Variants in LPAR3 observed in about 807,000 individuals in gnomAD.
LPAR3 encodes the protein lysophosphatidic acid receptor 3, also known as LPA receptor 3.
A neutral mutation model predicts 17.8 loss-of-function variants in LPAR3; 7 were observed. The ratio of observed to expected loss-of-function variants is 0.39; its 90% CI spans 0.22 to 0.74. The LOEUF is 0.74. Ranked by LOEUF, LPAR3 falls within the 30% of genes least tolerant of loss-of-function variation. LPAR3 has a pLI of 0.40. For synonymous variants in LPAR3, 179 were observed against 179.9 expected (o/e 0.99, Z 0.04); for missense variants, 391 against 453.4 (o/e 0.86, Z 1.25).
At chr1:84,888,733 G>A (rs185035081) in intron 1 of LPAR3, among the ~76,000 whole-genome samples, 1 of 152,278 alleles carries the variant, frequency 6.6e-6, no homozygotes, top group East Asian at 1.9e-4. Context: ...TTATGGAGGG[G>A]CTAATGTGCC....
intron 2 of LPAR3, among the ~76,000 whole-genome samples, chr1:84,842,008 A>G (rs531679818): frequency 5.3e-5 from 8 of 152,282 alleles, no homozygotes; most frequent in Non-Finnish European, 8.8e-5. Flanking sequence ...GAAAAAAAAA[A>G]GTTTGTAGGG....
intron 2 of LPAR3, among the ~76,000 whole-genome samples, chr1:84,828,918 T>C (rs183769442): frequency 6.6e-6 from 1 of 152,300 alleles, no homozygotes; most frequent in East Asian, 1.9e-4. Flanking sequence ...AAGTATTTAT[T>C]AAGCCCCCAC....
At chr1:84,871,646 C>T (rs1301831586) in intron 1 of LPAR3, among the ~76,000 whole-genome samples, 1 of 152,176 alleles carries the variant, frequency 6.6e-6, no homozygotes, top group Non-Finnish European at 1.5e-5. Flanking sequence ...GCAACCAATC[C>T]TGGGTCAGCA....
rs1430003017 is a variant in LPAR3, at chr1:84,865,484, C to T, written c.637G>A (p.Val213Ile). 13 of 1,614,008 alleles carry T rather than the reference C, an allele frequency of 8.1e-6. No homozygotes were observed. The highest frequency in any genetic ancestry group is 4.5e-5 in the East Asian group (2 of 44,872). Residue 213 changes from valine (V) to isoleucine (I), a missense_variant, in exon 2 of 3, where the codon GTC (valine) becomes ATC (isoleucine). By Grantham distance (29) the Val-to-Ile change is conservative. Transcript: ENST00000370611. ...VVVYLRIYVY[V>I]KRKTNVLSPH... The stretch of plus-strand genomic sequence containing the variant: ...GACAAGACGTTGGTTTTCCTCTTGA[C>T]GTACACGTAGATCCGCAGGTACACC...
Position 84,812,177 on chromosome 1 carries a change from T to C in LPAR3, c.*1669A>G, listed in dbSNP as rs1658826248. On this transcript the variant is annotated 3_prime_UTR_variant, in exon 3 of 3. Transcript: ENST00000370611. ...CTGGGGTCAAGCTCATATTTCATTC[T>C]ATATGGAAGGGATTCAGCCTGCTCT... The C allele has an allele frequency of 6.6e-6, 1 of 152,200 alleles. No homozygotes were observed. The highest frequency in any genetic ancestry group is 2.1e-4 in the South Asian group (1 of 4,820). 9.4% of individuals were successfully genotyped at this position (152,200 alleles called of 1,614,324 possible).
Position 84,814,173 on chromosome 1 carries a change from T to TG in LPAR3, c.737-3dup, listed in dbSNP as rs772013550. Reference sequence around the variant, plus strand: ...GGGTCCAGCATACCACAAACGCCCCTGCAAGGAGAGAAGAGGAGGCAACAG... The same window carrying TG: ...GGGTCCAGCATACCACAAACGCCCCTGGCAAGGAGAGAAGAGGAGGCAACAG... On this transcript the variant is annotated splice_region_variant and splice_polypyrimidine_tract_variant and intron_variant, in intron 2 of 2. Coordinates refer to ENST00000370611, the MANE Select transcript of LPAR3 (RefSeq NM_012152.3). 6.2e-7 allele frequency: 1 copy of TG among 1,612,620 alleles called. No individual in the cohort carries two copies. The highest frequency in any genetic ancestry group is 1.1e-5 in the South Asian group (1 of 91,024).
intron 1 of LPAR3, 33 bp from the exon 2 acceptor site, chr1:84,866,171 A>G (rs371940938): frequency 4.1e-5 from 61 of 1,480,500 alleles, no homozygotes; most frequent in Non-Finnish European, 5.2e-5. Context: ...AACAAATATC[A>G]TTTGTAAAAT....
intron 2 of LPAR3, among the ~76,000 whole-genome samples, chr1:84,845,461 C>G (rs1171836095): frequency 6.6e-6 from 1 of 152,176 alleles, no homozygotes; most frequent in Admixed American, 6.5e-5. Context: ...TCCCACACTA[C>G]TCAGAGCAGG....
Position 84,828,227 on chromosome 1 carries a change from TAA to T in LPAR3, c.737-14058_737-14057del, listed in dbSNP as rs537587132. 5.2e-3 allele frequency among the ~76,000 whole-genome samples: 787 copies of T among 152,274 alleles called. 8 individuals carry two copies. Among genetic ancestry groups the T allele is most frequent in the African/African-American group, 0.018 (752 of 41,554 alleles). ...GCTGTGAGTGTACCCTGATAATTCT[TAA>T]ATAGTCAGCTTCTCCAATACTGCAT... On this transcript the variant is annotated intron_variant, in intron 2 of 2. Coordinates refer to ENST00000370611, the MANE Select transcript of LPAR3 (RefSeq NM_012152.3).
intron 2 of LPAR3, among the ~76,000 whole-genome samples, chr1:84,846,204 G>A (rs1285187764): frequency 9.2e-5 from 14 of 152,108 alleles, no homozygotes; most frequent in Admixed American, 8.5e-4. Flanking sequence ...GTTAAAAAAA[G>A]CCATTTTAAA....
intron 2 of LPAR3, among the ~76,000 whole-genome samples, chr1:84,823,036 T>C (rs545977429): frequency 8.5e-5 from 13 of 152,302 alleles, no homozygotes; most frequent in Admixed American, 2.6e-4. Context: ...AATACTAACC[T>C]AGTAAGCCGC....
intron 2 of LPAR3, among the ~76,000 whole-genome samples, chr1:84,862,511 A>G (rs926350442): frequency 6.6e-6 from 1 of 152,236 alleles, no homozygotes; most frequent in African/African-American, 2.4e-5. Context: ...CCTATCTCAC[A>G]GGGTTTCCAT....
intron 2 of LPAR3, among the ~76,000 whole-genome samples, chr1:84,853,832 TG>T (rs1659766230): frequency 6.6e-6 from 1 of 152,208 alleles, no homozygotes; most frequent in African/African-American, 2.4e-5. Flanking sequence ...AGATCCTACA[TG>T]GGCTCTTTCT....
intron 2 of LPAR3, among the ~76,000 whole-genome samples, chr1:84,851,559 T>C (rs1366955903): frequency 2.6e-5 from 4 of 152,258 alleles, no homozygotes; most frequent in Admixed American, 1.3e-4. Flanking sequence ...TCTTTTAATA[T>C]ATAAATAGTA....
chr1:84,855,352 T>G (rs1165353403), intron 2 of LPAR3, among the ~76,000 whole-genome samples: 1 of 152,134 alleles, frequency 6.6e-6, no homozygotes, highest in African/African-American at 2.4e-5. Flanking sequence ...ATGACCACAT[T>G]TCTCCTTTGG....
At chr1:84,846,545 T>C (rs968611489) in intron 2 of LPAR3, among the ~76,000 whole-genome samples, 6 of 152,164 alleles carry the variant, frequency 3.9e-5, no homozygotes, top group East Asian at 1.9e-4. Flanking sequence ...TTCTCTAAAA[T>C]ATTTTTGGGC....
At chr1:84,887,477 T>C (rs999771206) in intron 1 of LPAR3, among the ~76,000 whole-genome samples, 2 of 152,036 alleles carry the variant, frequency 1.3e-5, no homozygotes, top group Non-Finnish European at 2.9e-5. Flanking sequence ...ACAGGTTTAA[T>C]GAGGAACAGG....
At position 84,847,407 on chromosome 1, in the gene LPAR3, T is replaced by C. The variant is rs150128564; in HGVS notation, c.736+17978A>G. Among the ~76,000 whole-genome samples the C allele has an allele frequency of 8.0e-3, 1,217 of 152,276 alleles. 15 individuals carry two copies. The highest frequency in any genetic ancestry group is 0.024 in the South Asian group (115 of 4,820). ...AGAGCTCATGCATACGCTGGGCACGTTGCCCTGGTGATGTTGACACAAAGC... is the reference window on the plus strand; with the variant it reads ...AGAGCTCATGCATACGCTGGGCACGCTGCCCTGGTGATGTTGACACAAAGC... On this transcript the variant is annotated intron_variant, in intron 2 of 2. Transcript: ENST00000370611.
intron 2 of LPAR3, among the ~76,000 whole-genome samples, chr1:84,827,116 A>G (rs1417223942): frequency 6.6e-6 from 1 of 152,222 alleles, no homozygotes; most frequent in Non-Finnish European, 1.5e-5. Context: ...TAAAACCACA[A>G]CATAATCTTT....
Sources: gnomAD v4.1 joint callset for allele counts (sites outside exome capture counted in the v4.1 genomes callset) on GRCh38, gnomAD v4.1.1 for gene constraint, MANE v1.5 for transcripts, NCBI Gene and HGNC (gene_info 2026-07-23, HGNC 2026-07-21) for gene names.